Variants in NUB1 observed in about 807,000 individuals in gnomAD.
NUB1 encodes NEDD8 ultimate buster 1.
Under a neutral mutation model 77.1 loss-of-function variants are expected in NUB1, and 41 were observed. That is an observed-to-expected ratio of 0.53 (90% CI 0.41 to 0.69). NUB1 has a LOEUF of 0.69. NUB1 is among the 30% of genes least tolerant of loss of function. The probability of loss-of-function intolerance (pLI) is 0.00; values close to 1 mark genes in which losing one functional copy is unlikely to be tolerated. For missense variants in NUB1, 643 were observed against 743.8 expected (o/e 0.86, Z 1.58); for synonymous variants, 257 against 281.0 (o/e 0.91, Z 0.85).
intron 1 of NUB1, among the ~76,000 whole-genome samples, chr7:151,344,488 ATT>A (rs991410413): frequency 2.2e-5 from 3 of 138,118 alleles, no homozygotes; most frequent in Admixed American, 7.3e-5. Flanking sequence ...TTGTTCATAT[ATT>A]TTTTTTTTTT....
chr7:151,368,127 G>C (rs57934390), intron 10 of NUB1, among the ~76,000 whole-genome samples, 159 bp downstream of exon 10: 2,208 of 152,328 alleles, frequency 0.014, 53 homozygotes, highest in African/African-American at 0.049. Context: ...GTATATGTTA[G>C]AGTACAGCCA....
At chr7:151,370,097 CTTT>C (rs574995266) in intron 11 of NUB1, among the ~76,000 whole-genome samples, 2 of 144,082 alleles carry the variant, frequency 1.4e-5, no homozygotes, top group African/African-American at 2.5e-5. Context: ...AAGCTGAGTT[CTTT>C]TTTTTTTTTT....
At chr7:151,364,249 G>C (rs776219050) in intron 8 of NUB1, among the ~76,000 whole-genome samples, 112 of 149,660 alleles carry the variant, frequency 7.5e-4, no homozygotes, top group Non-Finnish European at 1.3e-3. Flanking sequence ...GCGAAACCCC[G>C]TCTCTACTAA....
At chr7:151,360,802 T>C (rs989710823) in intron 8 of NUB1, 2 of 152,152 alleles carry the variant, frequency 1.3e-5, no homozygotes, top group Middle Eastern at 3.4e-3. Context: ...GCCCAGATAA[T>C]TTTTTTGTAT....
Position 151,368,590 on chromosome 7 carries a change from A to G in NUB1, c.1096-145A>G, listed in dbSNP as rs78669217. On this transcript the variant is annotated intron_variant, in intron 10 of 14. Transcript: ENST00000568733. ...TCTGTTTCCATTTGTACTTGTTAAT[A>G]ACAGGCCTAGTTTAGAGATTTTATC... The G allele has an allele frequency of 8.5e-4, 735 of 866,578 alleles. 5 individuals carry two copies. In the East Asian group the frequency reaches 0.017, roughly 20 times the overall value. The allele number at this position is 866,578 out of a possible 1,614,324, so 53.7% of individuals were successfully genotyped here. A position where few individuals can be genotyped will look rare whatever the true frequency, so the allele number is the denominator to read the frequency against.
chr7:151,364,025 G>A (rs1376664234), intron 8 of NUB1, among the ~76,000 whole-genome samples: 1 of 151,424 alleles, frequency 6.6e-6, no homozygotes, highest in East Asian at 2.0e-4. Context: ...AACTCCTGAC[G>A]TCAGGTGATC....
chr7:151,344,598 T>G (rs902207028), intron 1 of NUB1, among the ~76,000 whole-genome samples: 1 of 151,916 alleles, frequency 6.6e-6, no homozygotes, highest in Non-Finnish European at 1.5e-5. Flanking sequence ...GTTACAGGCC[T>G]GAGCCACCAC....
In NUB1 at chr7:151,373,601, C is replaced by T. The variant is rs539178322; in HGVS notation, c.1249-496C>T. 3.9e-5 allele frequency among the ~76,000 whole-genome samples: 6 copies of T among 152,322 alleles called. No individual in the cohort carries two copies. In the East Asian group the frequency reaches 7.7e-4, roughly 20 times the overall value. On this transcript the variant is annotated intron_variant, in intron 11 of 14. Transcript: ENST00000568733. ...TCCTTGCTCCCCAGGCTGTGGGGGG[C>T]GGGTCACCAGCTTTGGCATTGCCCA...
intron 11 of NUB1, among the ~76,000 whole-genome samples, chr7:151,373,692 C>T (rs1011554142): frequency 6.6e-6 from 1 of 152,212 alleles, no homozygotes; most frequent in African/African-American, 2.4e-5. Context: ...GGCTGGAAGG[C>T]CTTCCCACCG....
intron 8 of NUB1, among the ~76,000 whole-genome samples, chr7:151,363,730 A>G (rs1334101385): frequency 6.6e-6 from 1 of 151,818 alleles, no homozygotes; most frequent in Non-Finnish European, 1.5e-5. Flanking sequence ...ATTGAAAATG[A>G]CTTTTTAGCT....
chr7:151,355,283 C>T (rs1327183760), intron 5 of NUB1, among the ~76,000 whole-genome samples: 3 of 152,160 alleles, frequency 2.0e-5, no homozygotes, highest in South Asian at 2.1e-4. Flanking sequence ...ATTCTATTGT[C>T]GCTAGCTGAT....
In NUB1 at chr7:151,377,337, G is replaced by T; in HGVS notation, c.*112G>T. On this transcript the variant is annotated 3_prime_UTR_variant, in exon 15 of 15. Coordinates refer to ENST00000568733, the MANE Select transcript of NUB1 (RefSeq NM_001243351.2). ...TATCTGAATTACAAGTCCTCTTTGG[G>T]TGTAGGAGGGGGTGGGCAGGGGACA... 9.7e-6 allele frequency: 7 copies of T among 722,404 alleles called. No individual in the cohort carries two copies. The highest frequency in any genetic ancestry group is 4.2e-4 in the Middle Eastern group (1 of 2,404). 44.7% of individuals were successfully genotyped at this position (722,404 alleles called of 1,614,324 possible). A position where few individuals can be genotyped will look rare whatever the true frequency, so the allele number is the denominator to read the frequency against.
chr7:151,359,606 C>T (rs1797270889), intron 7 of NUB1, among the ~76,000 whole-genome samples: 1 of 147,382 alleles, frequency 6.8e-6, no homozygotes, highest in Admixed American at 6.6e-5. Context: ...GGTGAAACCC[C>T]ATCTCTACTA....
At chr7:151,363,029 C>T (rs1426012107) in intron 8 of NUB1, among the ~76,000 whole-genome samples, 4 of 152,188 alleles carry the variant, frequency 2.6e-5, no homozygotes, top group African/African-American at 7.2e-5. Context: ...CTTAACTTAC[C>T]GTTTTCAAAT....
rs768059524 is a variant in NUB1, at chr7:151,345,423, C to T, written c.74C>T (p.Pro25Leu). The T allele has an allele frequency of 6.2e-7, 1 of 1,609,406 alleles. No individual in the cohort carries two copies. Among genetic ancestry groups the T allele is most frequent in the South Asian group, 1.1e-5 (1 of 89,944 alleles). The change falls in exon 2 of 15, where the codon CCT (proline) becomes CTT (leucine). Residue 25 changes from proline to leucine, a missense_variant. Pro to Leu is a moderately conservative substitution (Grantham distance 98, BLOSUM62 -3). Coordinates refer to ENST00000568733, the MANE Select transcript of NUB1 (RefSeq NM_001243351.2). The stretch of plus-strand genomic sequence containing the variant: ...GAAGACAGGATTCAACTTTGGAAAC[C>T]TCCATATACAGATGAAAATAAAAAA... Reference protein sequence around the residue: ...LREDRIQLWKPPYTDENKKVG... With the variant: ...LREDRIQLWKLPYTDENKKVG...
intron 10 of NUB1, among the ~76,000 whole-genome samples, chr7:151,368,310 A>AAG (rs1487328450): frequency 1.3e-5 from 2 of 152,178 alleles, no homozygotes; most frequent in African/African-American, 2.4e-5. Flanking sequence ...CAGAGGGGGC[A>AAG]AGAGAGAGTC....
intron 11 of NUB1, among the ~76,000 whole-genome samples, chr7:151,369,969 G>C (rs1250089018): frequency 6.6e-6 from 1 of 152,168 alleles, no homozygotes; most frequent in Non-Finnish European, 1.5e-5. Flanking sequence ...GCAGTCACAG[G>C]GTTTCTCCTT....
intron 1 of NUB1, among the ~76,000 whole-genome samples, chr7:151,343,938 T>C (rs1187181888): frequency 1.3e-5 from 2 of 151,920 alleles, no homozygotes; most frequent in Non-Finnish European, 2.9e-5. Flanking sequence ...TCCCAGCACT[T>C]TGGGAGGCCG....
chr7:151,359,385 G>C (rs1797254147), intron 7 of NUB1, among the ~76,000 whole-genome samples: 1 of 151,338 alleles, frequency 6.6e-6, no homozygotes, highest in Non-Finnish European at 1.5e-5. Flanking sequence ...GGAGCTTGCA[G>C]TGAGTCGAGA....
Sources: gnomAD v4.1 joint callset for allele counts (sites outside exome capture counted in the v4.1 genomes callset) on GRCh38, gnomAD v4.1.1 for gene constraint, MANE v1.5 for transcripts, NCBI Gene and HGNC (gene_info 2026-07-23, HGNC 2026-07-21) for gene names.